WWC2: variants seen among roughly 807,000 people sequenced by gnomAD.
WWC2 encodes the protein WW and C2 domain containing 2, also known as protein WWC2.
In WWC2, 101 loss-of-function variants were observed where a neutral mutation model predicts 138.5. The ratio of observed to expected loss-of-function variants is 0.73; its 90% CI spans 0.62 to 0.86. WWC2 has a LOEUF of 0.86. Among genes scored for constraint, WWC2 ranks in the 40% least tolerant of loss-of-function variants. WWC2 has a pLI of 0.00. For missense variants in WWC2, 1,420 were observed against 1,419.4 expected (o/e 1.00, Z -0.01); for synonymous variants, 558 against 538.4 (o/e 1.04, Z -0.50).
At chr4:183,139,896 T>C (rs1733244027) in intron 1 of WWC2, among the ~76,000 whole-genome samples, 2 of 152,150 alleles carry the variant, frequency 1.3e-5, no homozygotes, top group Non-Finnish European at 2.9e-5. Context: ...CACTGCAACC[T>C]CCATCTCCCG....
Position 183,253,648 on chromosome 4 carries a change from A to G in WWC2, c.954-109A>G, listed in dbSNP as rs1420142419. On this transcript the variant is annotated intron_variant, in intron 8 of 22. Coordinates refer to ENST00000403733, the MANE Select transcript of WWC2 (RefSeq NM_024949.6). ...ACCACACCTCTTTCTGGTAAGGTCA[A>G]GTTAGGAAAATCTGGACAGCATGTC... is the stretch of plus-strand genomic sequence containing the variant. 5.8e-6 allele frequency: 8 copies of G among 1,370,852 alleles called. No individual in the cohort carries two copies. The Admixed American group carries it at 1.2e-4, about 21-fold the overall frequency. The allele number at this position is 1,370,852 out of a possible 1,614,324, so 84.9% of individuals were successfully genotyped here. A position where few individuals can be genotyped will look rare whatever the true frequency, so the allele number is the denominator to read the frequency against.
At chr4:183,102,670 G>C (rs1743214994) in intron 1 of WWC2, among the ~76,000 whole-genome samples, 2 of 152,068 alleles carry the variant, frequency 1.3e-5, no homozygotes, top group South Asian at 4.1e-4. Context: ...TATTTTTCAG[G>C]CTGAGTGACT....
At chr4:183,150,260 T>C (rs1192391968) in intron 1 of WWC2, among the ~76,000 whole-genome samples, 1 of 152,234 alleles carries the variant, frequency 6.6e-6, no homozygotes, top group Non-Finnish European at 1.5e-5. Context: ...TATATGAAAC[T>C]ACTAAATATC....
At chr4:183,118,212 G>C (rs1297780069) in intron 1 of WWC2, among the ~76,000 whole-genome samples, 2 of 152,138 alleles carry the variant, frequency 1.3e-5, no homozygotes, top group African/African-American at 2.4e-5. Context: ...ACTTAGATTT[G>C]GATTCAGGGT....
At chr4:183,259,488 A>T (rs1580119342) in intron 9 of WWC2, 151 bp from the exon 10 acceptor site, 1 of 623,388 alleles carries the variant, frequency 1.6e-6, no homozygotes, top group Non-Finnish European at 2.7e-6. Context: ...TCTGCCCCCC[A>T]CACTTCTTGC....
intron 1 of WWC2, among the ~76,000 whole-genome samples, chr4:183,186,000 T>G (rs1051308787): frequency 4.7e-5 from 7 of 148,394 alleles, no homozygotes; most frequent in Non-Finnish European, 8.9e-5. Flanking sequence ...CAGGCTGGAG[T>G]GCAATGGCGC....
At chr4:183,213,335 G>A (rs1296297297) in intron 4 of WWC2, among the ~76,000 whole-genome samples, 2 of 152,218 alleles carry the variant, frequency 1.3e-5, no homozygotes, top group Non-Finnish European at 2.9e-5. Flanking sequence ...TGCGTACTCT[G>A]TTAAAAATCC....
chr4:183,298,039 A>G (rs1391398580), intron 21 of WWC2, among the ~76,000 whole-genome samples: 2 of 152,218 alleles, frequency 1.3e-5, no homozygotes, highest in Non-Finnish European at 2.9e-5. Context: ...AGAGTTGATG[A>G]CTGCAAGGGC....
At chr4:183,164,357 CATATATATATTATATATACAT>C (rs1561443951) in intron 1 of WWC2, among the ~76,000 whole-genome samples, 72 of 968 alleles carry the variant, frequency 0.074, 4 homozygotes, top group African/African-American at 0.14. Flanking sequence ...ATTATATATA[CATATATATATTATATATACAT>C]ATATATATTA....
rs373425251 is a variant in WWC2 at position 183,240,183 on chromosome 4, G to C, written c.523G>C (p.Val175Leu). Residue 175 changes from valine (V) to leucine (L), a missense_variant and splice_region_variant, in exon 5 of 23, where the codon GTT (valine) becomes CTT (leucine). Physicochemically the swap from Val to Leu is conservative, Grantham distance 32 (BLOSUM62 1). Coordinates refer to ENST00000403733, the MANE Select transcript of WWC2 (RefSeq NM_024949.6). ...TGTTTATGTTGATTTCTCTTTAAAG[G>C]TTAAAAAGCTAAAGAGAGAGCTCTC... is the stretch of plus-strand genomic sequence containing the variant. ...KAEISTTRLR[V>L]KKLKRELSQM... 6.5e-7 allele frequency: 1 copy of C among 1,544,594 alleles called. No individual in the cohort carries two copies. Among genetic ancestry groups the C allele is most frequent in the Non-Finnish European group, 8.7e-7 (1 of 1,145,000 alleles).
chr4:183,255,874 T>C (rs1737118341), intron 9 of WWC2, among the ~76,000 whole-genome samples: 1 of 149,338 alleles, frequency 6.7e-6, no homozygotes, highest in Admixed American at 6.6e-5. Context: ...GAGGCTTTTT[T>C]TCCTTTTTTT....
At chr4:183,135,035 G>T (rs1010853073) in intron 1 of WWC2, among the ~76,000 whole-genome samples, 5 of 151,862 alleles carry the variant, frequency 3.3e-5, no homozygotes, top group African/African-American at 1.2e-4. Flanking sequence ...GGGTTCAAGC[G>T]ATTCTCCTGC....
At chr4:183,314,951 G>A (rs1345977954) in intron 22 of WWC2, among the ~76,000 whole-genome samples, 2 of 152,196 alleles carry the variant, frequency 1.3e-5, no homozygotes, top group East Asian at 1.9e-4. Context: ...CTGTTCTTTC[G>A]CAAGGGAGAA....
chr4:183,168,170 T>TTTTCTTTTC (rs1554068897), intron 1 of WWC2, among the ~76,000 whole-genome samples: 16 of 140,714 alleles, frequency 1.1e-4, no homozygotes, highest in African/African-American at 2.6e-4. Context: ...TTTTCTTTTC[T>TTTTCTTTTC]TTTCTTTCTT....
chr4:183,176,633 G>A (rs1335638847), intron 1 of WWC2, among the ~76,000 whole-genome samples: 5 of 152,140 alleles, frequency 3.3e-5, no homozygotes, highest in Non-Finnish European at 5.9e-5. Flanking sequence ...ATATTGGCCA[G>A]GCTGGTCTCG....
rs545876424 is a variant in WWC2 at position 183,252,409 on chromosome 4, C to A, written c.954-1348C>A. On this transcript the variant is annotated intron_variant, in intron 8 of 22. Coordinates refer to ENST00000403733, the MANE Select transcript of WWC2 (RefSeq NM_024949.6). Reference sequence around the variant, plus strand: ...TTATGAACAGTCCTCATTGTCTTTACAGTGCCACGTAGCAAGTTATTTGAC... The same window carrying A: ...TTATGAACAGTCCTCATTGTCTTTAAAGTGCCACGTAGCAAGTTATTTGAC... 2.5e-3 allele frequency among the ~76,000 whole-genome samples: 374 copies of A among 152,336 alleles called. 1 individual carries two copies. The highest frequency in any genetic ancestry group is 0.02 in the Middle Eastern group (6 of 294).
intron 1 of WWC2, among the ~76,000 whole-genome samples, chr4:183,189,997 C>T (rs376077381): frequency 1.3e-5 from 2 of 152,300 alleles, no homozygotes; most frequent in African/African-American, 4.8e-5. Flanking sequence ...AGAAATACCA[C>T]ACAGAGTTAA....
intron 1 of WWC2, among the ~76,000 whole-genome samples, chr4:183,103,394 C>T (rs982749642): frequency 1.2e-4 from 17 of 146,002 alleles, no homozygotes; most frequent in African/African-American, 2.6e-4. Context: ...AGAGCAATGA[C>T]GTGATCTCGG....
chr4:183,204,914 T>A (rs1735403371), intron 2 of WWC2, among the ~76,000 whole-genome samples: 1 of 152,160 alleles, frequency 6.6e-6, no homozygotes, highest in Non-Finnish European at 1.5e-5. Flanking sequence ...TGTTTGAGAG[T>A]CTTATATATT....
Sources: gnomAD v4.1 joint callset for allele counts (sites outside exome capture counted in the v4.1 genomes callset) on GRCh38, gnomAD v4.1.1 for gene constraint, MANE v1.5 for transcripts, NCBI Gene and HGNC (gene_info 2026-07-23, HGNC 2026-07-21) for gene names.